Variants in PPP3CC observed in about 807,000 individuals in gnomAD.
PPP3CC encodes protein phosphatase 3 catalytic subunit gamma.
Under a neutral mutation model 60.3 loss-of-function variants are expected in PPP3CC, and 35 were observed. The observed-to-expected ratio is 0.58, with a 90% confidence interval of 0.44 to 0.77. The LOEUF is 0.77. PPP3CC is among the 30% of genes least tolerant of loss of function. The probability of loss-of-function intolerance (pLI) is 0.00; values close to 1 mark genes in which losing one functional copy is unlikely to be tolerated. For missense variants in PPP3CC, 570 were observed against 628.9 expected, an observed-to-expected ratio of 0.91 and a Z score of 1.00; for synonymous variants, 206 against 224.3, an observed-to-expected ratio of 0.92 and a Z score of 0.73.
At chr8:22,505,607 T>C (rs1295377955) in intron 4 of PPP3CC, among the ~76,000 whole-genome samples, 6 of 152,164 alleles carry the variant, frequency 3.9e-5, no homozygotes, top group African/African-American at 4.8e-5. Flanking sequence ...CTCAGGGTTT[T>C]TCAGCTGGGC....
At chr8:22,442,934 C>T (rs937295778) in intron 1 of PPP3CC, among the ~76,000 whole-genome samples, 1 of 152,180 alleles carries the variant, frequency 6.6e-6, no homozygotes, top group Non-Finnish European at 1.5e-5. Flanking sequence ...TAGTTTCTCT[C>T]TCCAGTACTG....
chr8:22,448,380 T>G (rs1370716949), intron 1 of PPP3CC, among the ~76,000 whole-genome samples: 3 of 142,182 alleles, frequency 2.1e-5, no homozygotes, highest in African/African-American at 8.8e-5. Context: ...ACCTTTTTTT[T>G]GTTTTTTTTT....
intron 3 of PPP3CC, among the ~76,000 whole-genome samples, chr8:22,492,185 T>A (rs1457193615): frequency 6.6e-6 from 1 of 151,766 alleles, no homozygotes; most frequent in Admixed American, 6.6e-5. Flanking sequence ...TAGGCAGTTG[T>A]AACACAAGGG....
chr8:22,532,510 T>C (rs1839743923), intron 11 of PPP3CC, among the ~76,000 whole-genome samples: 1 of 152,222 alleles, frequency 6.6e-6, no homozygotes, highest in South Asian at 2.1e-4. Flanking sequence ...GTAGTGAATG[T>C]AGTGGTTTAG....
intron 3 of PPP3CC, among the ~76,000 whole-genome samples, chr8:22,487,365 G>A (rs368108283): frequency 4.6e-5 from 7 of 152,204 alleles, no homozygotes; most frequent in African/African-American, 1.4e-4. Flanking sequence ...GGCTCACACC[G>A]GTAATCCTAG....
chr8:22,536,339 T>C (rs921589685), intron 12 of PPP3CC, among the ~76,000 whole-genome samples: 3 of 151,992 alleles, frequency 2.0e-5, no homozygotes, highest in Non-Finnish European at 4.4e-5. Flanking sequence ...GTAACATGAG[T>C]TAAGAGAAAA....
chr8:22,442,523 C>T (rs2132416607), intron 1 of PPP3CC, among the ~76,000 whole-genome samples: 1 of 152,304 alleles, frequency 6.6e-6, no homozygotes, highest in East Asian at 1.9e-4. Flanking sequence ...TTTCCCCCCT[C>T]TCTCCCCAAA....
At position 22,498,000 on chromosome 8, in the gene PPP3CC, G is replaced by A. The variant is rs1231037005; in HGVS notation, c.373-1G>A. On this transcript the variant is annotated splice_acceptor_variant, in intron 3 of 13. Transcript: ENST00000240139. LOFTEE classifies it high-confidence loss of function. Reference sequence around the variant, plus strand: ...ATTTTATGCTTGAATTTGTCTTGTAGTGTGTGCTGTATTTATGGAGTTTAA... The same window carrying A: ...ATTTTATGCTTGAATTTGTCTTGTAATGTGTGCTGTATTTATGGAGTTTAA... The A allele has an allele frequency of 3.8e-6, 6 of 1,598,778 alleles. No individual in the cohort carries two copies. Among genetic ancestry groups the A allele is most frequent in the Non-Finnish European group, 5.1e-6 (6 of 1,170,326 alleles).
intron 3 of PPP3CC, among the ~76,000 whole-genome samples, chr8:22,497,304 C>T (rs1838619294): frequency 6.6e-6 from 1 of 151,892 alleles, no homozygotes; most frequent in South Asian, 2.1e-4. Context: ...GCTGAGATTA[C>T]AGGTATGAGC....
chr8:22,475,293 T>G, intron 2 of PPP3CC, 142 bp downstream of exon 2: 1 of 979,418 alleles, frequency 1.0e-6, no homozygotes. Flanking sequence ...GTTAGGATAT[T>G]TGTTGTTAAT....
intron 6 of PPP3CC, among the ~76,000 whole-genome samples, chr8:22,515,488 T>C (rs937940665): frequency 6.6e-6 from 1 of 152,226 alleles, no homozygotes; most frequent in Non-Finnish European, 1.5e-5. Context: ...TATACATACA[T>C]AGTAGTGAGA....
At chr8:22,471,814 G>A (rs1464737403) in intron 1 of PPP3CC, among the ~76,000 whole-genome samples, 1 of 152,060 alleles carries the variant, frequency 6.6e-6, no homozygotes. Flanking sequence ...TGAACACTTA[G>A]GCTACACTAA....
intron 5 of PPP3CC, 100 bp from the exon 6 acceptor site, chr8:22,513,193 A>T: frequency 8.0e-7 from 1 of 1,251,958 alleles, no homozygotes; most frequent in Non-Finnish European, 1.1e-6. Context: ...CTCCTAATAC[A>T]TTCTTGTGGG....
At chr8:22,444,540 T>C (rs1836768326) in intron 1 of PPP3CC, among the ~76,000 whole-genome samples, 1 of 152,180 alleles carries the variant, frequency 6.6e-6, no homozygotes, top group African/African-American at 2.4e-5. Flanking sequence ...GTGGGTGAAA[T>C]CTCGTCGGTA....
chr8:22,530,829 C>CAAACAAAAAAAA (rs1839691242), intron 10 of PPP3CC, among the ~76,000 whole-genome samples: 1 of 58,034 alleles, frequency 1.7e-5, no homozygotes, highest in African/African-American at 5.2e-5. Flanking sequence ...AGACTCATCT[C>CAAACAAAAAAAA]AAAAAAAAAA....
intron 12 of PPP3CC, among the ~76,000 whole-genome samples, chr8:22,537,453 T>A (rs1839869471): frequency 6.6e-6 from 1 of 152,232 alleles, no homozygotes; most frequent in Admixed American, 6.5e-5. Flanking sequence ...TTAACACTGC[T>A]GGTGGAAATG....
rs146922178 is a variant in PPP3CC at position 22,458,073 on chromosome 8, A to G, written c.49+16615A>G. On this transcript the variant is annotated intron_variant, in intron 1 of 13. Transcript: ENST00000240139. ...GCCATTGCACTCCAGCCTGGGCAAC[A>G]AGAGTAAATCTCCGTCGCACCAAAA... Among the ~76,000 whole-genome samples the G allele has an allele frequency of 5.4e-3, 818 of 152,288 alleles. 7 individuals carry two copies. The highest frequency in any genetic ancestry group is 0.018 in the African/African-American group (748 of 41,562).
At chr8:22,526,850 C>T (rs1261676432) in intron 8 of PPP3CC, among the ~76,000 whole-genome samples, 1 of 152,188 alleles carries the variant, frequency 6.6e-6, no homozygotes, top group Non-Finnish European at 1.5e-5. Context: ...ATATTGAATA[C>T]AGAGATGACT....
chr8:22,531,222 C>G, intron 10 of PPP3CC: 1 of 1,346,032 alleles, frequency 7.4e-7, no homozygotes, highest in Non-Finnish European at 1.0e-6. Context: ...TTTTTTTTCT[C>G]TTTTCCATGT....
Sources: gnomAD v4.1 joint callset for allele counts (sites outside exome capture counted in the v4.1 genomes callset) on GRCh38, gnomAD v4.1.1 for gene constraint, MANE v1.5 for transcripts, NCBI Gene and HGNC (gene_info 2026-07-23, HGNC 2026-07-21) for gene names.